Variants in TBCB observed in about 807,000 individuals in gnomAD.
TBCB encodes the protein tubulin folding cofactor B.
In TBCB, 18 loss-of-function variants were observed where a neutral mutation model predicts 29.2. The observed-to-expected ratio is 0.62, with a 90% confidence interval of 0.43 to 0.91. The LOEUF (loss-of-function observed/expected upper bound fraction) is 0.91. Among genes scored for constraint, TBCB ranks in the 40% least tolerant of loss-of-function variants. TBCB has a pLI of 0.00. For synonymous variants in TBCB, 172 were observed against 137.8 expected (o/e 1.25, Z -1.74); for missense variants, 336 against 337.6 (o/e 1.00, Z 0.04).
chr19:36,115,690 C>T lies in TBCB; in HGVS notation c.114+16C>T, dbSNP rs758344941. The T allele has an allele frequency of 1.0e-4, 24 of 236,372 alleles. No homozygotes were observed. Among genetic ancestry groups the T allele is most frequent in the African/African-American group, 2.0e-4 (2 of 10,160 alleles). 14.6% of individuals were successfully genotyped at this position (236,372 alleles called of 1,614,324 possible). A position where few individuals can be genotyped will look rare whatever the true frequency, so the allele number is the denominator to read the frequency against. On this transcript the variant is annotated intron_variant, in intron 1 of 5. Coordinates refer to ENST00000221855, the MANE Select transcript of TBCB (RefSeq NM_001281.3). ...TGAGTTCAAGGTGTGGCCATGGGGG[C>T]GGGGTCCGGAGGGGCGGGGCGAAGA...
At position 36,121,743 on chromosome 19, in the gene TBCB, CGGGCTCCA is replaced by C. The variant is rs760048653; in HGVS notation, c.547+34_547+41del. On this transcript the variant is annotated intron_variant, in intron 4 of 5. Coordinates refer to ENST00000221855, the MANE Select transcript of TBCB (RefSeq NM_001281.3). ...GGTGCGTGGCTCGCGGGCCCGGTCC[CGGGCTCCA>C]GGGCTCCAAGGCCGGGAGGAAATGT... is the stretch of plus-strand genomic sequence containing the variant. 7.1e-5 allele frequency: 110 copies of C among 1,547,978 alleles called. 1 individual carries two copies. Among genetic ancestry groups the C allele is most frequent in the Non-Finnish European group, 8.3e-5 (95 of 1,146,300 alleles).
upstream of TBCB, chr19:36,115,013 C>T (rs1445278249): frequency 1.7e-5 from 12 of 695,462 alleles, 1 homozygote; most frequent in Admixed American, 1.1e-4. Context: ...TCTCTCCGCG[C>T]AGAGGTTTCA....
At chr19:36,118,862 C>A (rs188602623) in intron 2 of TBCB, among the ~76,000 whole-genome samples, 10 of 152,094 alleles carry the variant, frequency 6.6e-5, no homozygotes, top group Admixed American at 6.5e-4. Flanking sequence ...GTTCACAGGC[C>A]CCCTCTGGCT....
chr19:36,119,754 G>A (rs144358732), intron 2 of TBCB, among the ~76,000 whole-genome samples: 17 of 152,220 alleles, frequency 1.1e-4, no homozygotes, highest in African/African-American at 3.4e-4. Flanking sequence ...TTAGCCGGGT[G>A]TGGTGGTGTG....
At position 36,125,210 on chromosome 19, in the gene TBCB, G is replaced by A. The variant is rs1974117777; in HGVS notation, c.548-241G>A. Among the ~76,000 whole-genome samples, 3 of 152,318 alleles carry A rather than the reference G, an allele frequency of 2.0e-5. No homozygotes were observed. The South Asian group carries it at 6.2e-4, about 32-fold the overall frequency. Reference sequence around the variant, plus strand: ...TTTTACAAAGCCCTCACTGGCTGGTGTCTTCACCCAGTGAATGGGGGACAG... The same window carrying A: ...TTTTACAAAGCCCTCACTGGCTGGTATCTTCACCCAGTGAATGGGGGACAG... On this transcript the variant is annotated intron_variant, in intron 4 of 5. Coordinates refer to ENST00000221855, the MANE Select transcript of TBCB (RefSeq NM_001281.3).
At chr19:36,115,249 C>T (rs1181283005), upstream of TBCB, 1 of 532,250 alleles carries the variant, frequency 1.9e-6, no homozygotes, top group Non-Finnish European at 3.3e-6. Flanking sequence ...CGAGCTCTTG[C>T]CACTCCTACC....
At chr19:36,121,933 G>C (rs1974061660) in intron 4 of TBCB, 1 of 661,612 alleles carries the variant, frequency 1.5e-6, no homozygotes, top group East Asian at 2.8e-5. Context: ...CAGGCGGAGT[G>C]ATCTGTCCAG....
At position 36,120,728 on chromosome 19, in the gene TBCB, G is replaced by A. The variant is rs528089905; in HGVS notation, c.277G>A (p.Ala93Thr). 1.5e-5 allele frequency: 25 copies of A among 1,614,084 alleles called. No individual in the cohort carries two copies. The highest frequency in any genetic ancestry group is 6.7e-5 in the Admixed American group (4 of 60,016). The change falls in exon 3 of 6, where the codon GCC becomes ACC. Residue 93 changes from alanine (A) to threonine (T), a missense_variant. Physicochemically the swap from Ala to Thr is moderately conservative, Grantham distance 58 (BLOSUM62 0). Transcript: ENST00000221855. The part of the protein sequence containing the change: ...CRIHVIDHSG[A>T]RLGEYEDVSR... ...CACACAGGTCATTGACCACAGTGGC[G>A]CCCGCCTTGGTGAGTATGAGGACGT...
intron 3 of TBCB, among the ~76,000 whole-genome samples, chr19:36,121,049 G>C (rs1204214329): frequency 6.6e-6 from 1 of 150,390 alleles, no homozygotes; most frequent in African/African-American, 2.5e-5. Flanking sequence ...GGCTGGGAAA[G>C]TGGAGGGAGT....
intron 3 of TBCB, 33 bp downstream of exon 3, chr19:36,120,839 G>A (rs780681662): frequency 6.6e-5 from 106 of 1,604,892 alleles, no homozygotes; most frequent in Non-Finnish European, 7.5e-5. Context: ...GGGTGCGTGG[G>A]GGCCAGAGGG....
chr19:36,125,744 G>T lies in TBCB; in HGVS notation c.697G>T (p.Asp233Tyr). 2 of 1,567,678 alleles carry T rather than the reference G, an allele frequency of 1.3e-6. No homozygotes were observed. Among genetic ancestry groups the T allele is most frequent in the Non-Finnish European group, 1.7e-6 (2 of 1,156,908 alleles). Residue 233 changes from aspartate (D) to tyrosine (Y), a missense_variant, in exon 6 of 6, where the codon GAC becomes TAC. Physicochemically the swap from Asp to Tyr is radical, Grantham distance 160. Coordinates refer to ENST00000221855, the MANE Select transcript of TBCB (RefSeq NM_001281.3). ...FVKPAVVTVG[D>Y]FPEEDYGLDE... Reference sequence around the variant, plus strand: ...CAAGCCAGCAGTCGTGACGGTGGGGGACTTCCCGGAGGAGGACTACGGGTT... The same window carrying T: ...CAAGCCAGCAGTCGTGACGGTGGGGTACTTCCCGGAGGAGGACTACGGGTT...
At chr19:36,119,814 A>C (rs1974013712) in intron 2 of TBCB, among the ~76,000 whole-genome samples, 1 of 151,290 alleles carries the variant, frequency 6.6e-6, no homozygotes, top group Admixed American at 6.6e-5. Flanking sequence ...AATCACTTGA[A>C]TTTGCAGTGA....
intron 2 of TBCB, chr19:36,120,435 C>G: frequency 2.2e-6 from 1 of 464,622 alleles, no homozygotes; most frequent in Non-Finnish European, 4.0e-6. Context: ...GACTCTGTGA[C>G]TTTGGGGCCC....
At chr19:36,120,583 A>G in intron 2 of TBCB, 127 bp from the exon 3 acceptor site, 2 of 718,404 alleles carry the variant, frequency 2.8e-6, no homozygotes, top group South Asian at 1.7e-5. Context: ...GAGAGAAGAG[A>G]AGGCTGCAGT....
chr19:36,124,731 G>C (rs1974109719), intron 4 of TBCB, among the ~76,000 whole-genome samples: 2 of 152,126 alleles, frequency 1.3e-5, no homozygotes, highest in Admixed American at 6.6e-5. Context: ...TTTTAGTAGA[G>C]ACGGGGCTTC....
chr19:36,118,210 A>G (rs1319045958), intron 2 of TBCB, among the ~76,000 whole-genome samples: 1 of 152,186 alleles, frequency 6.6e-6, no homozygotes, highest in Non-Finnish European at 1.5e-5. Context: ...TTATGACTGC[A>G]TCTGAGAAGT....
Position 36,116,194 on chromosome 19 carries a change from C to G in TBCB, c.258+10C>G. 2 of 1,613,530 alleles carry G rather than the reference C, an allele frequency of 1.2e-6. No individual in the cohort carries two copies. The highest frequency in any genetic ancestry group is 1.7e-6 in the Non-Finnish European group (2 of 1,179,594). ...CGGCTGCCGCATCCACGTGAGGACT[C>G]TCTATCTGGGACACTCCCCCACCCC... On this transcript the variant is annotated intron_variant, in intron 2 of 5. Coordinates refer to ENST00000221855, the MANE Select transcript of TBCB (RefSeq NM_001281.3).
At chr19:36,117,599 A>G (rs955935354) in intron 2 of TBCB, among the ~76,000 whole-genome samples, 2 of 151,852 alleles carry the variant, frequency 1.3e-5, no homozygotes, top group Admixed American at 1.3e-4. Context: ...TGATCTGCCC[A>G]CCTCAGCCTC....
chr19:36,123,677 C>T (rs1468891380), intron 4 of TBCB, among the ~76,000 whole-genome samples: 2 of 152,098 alleles, frequency 1.3e-5, no homozygotes, highest in Non-Finnish European at 2.9e-5. Flanking sequence ...AATTTTGAGA[C>T]CAGCCTGGCC....
Sources: gnomAD v4.1 joint callset for allele counts (sites outside exome capture counted in the v4.1 genomes callset) on GRCh38, gnomAD v4.1.1 for gene constraint, MANE v1.5 for transcripts, NCBI Gene and HGNC (gene_info 2026-07-23, HGNC 2026-07-21) for gene names.